STON2: variants seen among roughly 807,000 people sequenced by gnomAD.
The protein encoded by STON2 is stonin 2.
Under a neutral mutation model 65.7 loss-of-function variants are expected in STON2, and 29 were observed. The observed-to-expected ratio is 0.44, with a 90% CI of 0.33 to 0.60. STON2 has a LOEUF of 0.60. Ranked by LOEUF, STON2 falls within the 20% of genes least tolerant of loss-of-function variation. STON2 has a pLI of 0.03. For synonymous variants in STON2, 404 were observed against 414.2 expected (o/e 0.98, Z 0.30); for missense variants, 1,054 against 1,118.1 (o/e 0.94, Z 0.82).
intron 5 of STON2, among the ~76,000 whole-genome samples, chr14:81,284,108 C>A (rs1225626819): frequency 1.3e-5 from 2 of 152,198 alleles, no homozygotes; most frequent in Non-Finnish European, 2.9e-5. Flanking sequence ...GGCCATTCCC[C>A]TATCTCTCTC....
In STON2 at chr14:81,308,649, A is replaced by G. The variant is rs140059307; in HGVS notation, c.742+15368T>C. On this transcript the variant is annotated intron_variant, in intron 5 of 7. Transcript: ENST00000614646. ...ATGCTACAACTCTACGTCCATCCCT[A>G]ATAACCCATGGGCAGGGGAGGGAGC... 1.2e-3 allele frequency among the ~76,000 whole-genome samples: 182 copies of G among 151,690 alleles called. 3 individuals carry two copies. Among genetic ancestry groups the G allele is most frequent in the African/African-American group, 4.0e-3 (165 of 41,358 alleles).
In STON2 at chr14:81,270,857, T is replaced by C. The variant is rs780509197; in HGVS notation, c.2597A>G (p.His866Arg). Residue 866 changes from histidine (H) to arginine (R), a missense_variant, in exon 7 of 8, where the codon CAC becomes CGC. Transcript: ENST00000614646. The stretch of plus-strand genomic sequence containing the variant: ...GAGTTCAAGGTGGCAAAAGAAACAG[T>C]GTGGGTGACCGGAAGCTATGAAAGA... ...PDKNSASGHP[H>R]CFFCHLELGS... The C allele has an allele frequency of 6.2e-7, 1 of 1,612,846 alleles. No individual in the cohort carries two copies. The highest frequency in any genetic ancestry group is 1.1e-5 in the South Asian group (1 of 91,014).
Position 81,268,130 on chromosome 14 carries a change from A to C in STON2, c.*284T>G, listed in dbSNP as rs1894427653. 7 of 1,061,286 alleles carry C rather than the reference A, an allele frequency of 6.6e-6. No individual in the cohort carries two copies. In the South Asian group the frequency reaches 2.1e-4, roughly 32 times the overall value. The allele number at this position is 1,061,286 out of a possible 1,614,324, so 65.7% of individuals were successfully genotyped here. A position where few individuals can be genotyped will look rare whatever the true frequency, so the allele number is the denominator to read the frequency against. On this transcript the variant is annotated 3_prime_UTR_variant, in exon 8 of 8. Transcript: ENST00000614646. ...CCAGTGCTGTGAGATAAGCAGAGACAAGACAAGGAGGCTTAATTATACAGT... is the reference window on the plus strand; with the variant it reads ...CCAGTGCTGTGAGATAAGCAGAGACCAGACAAGGAGGCTTAATTATACAGT...
Position 81,264,567 on chromosome 14 carries a change from G to A in STON2, c.*3847C>T. 1.0e-6 allele frequency: 1 copy of A among 984,470 alleles called. No individual in the cohort carries two copies. The highest frequency in any genetic ancestry group is 1.2e-6 in the Non-Finnish European group (1 of 829,126). The allele number at this position is 984,470 out of a possible 1,614,324, so 61.0% of individuals were successfully genotyped here. The stretch of plus-strand genomic sequence containing the variant: ...ATTATATATAGTCCTTGCCTTCATG[G>A]ATCCCATTTATCAGAAACATAAGTT... On this transcript the variant is annotated 3_prime_UTR_variant, in exon 8 of 8. Coordinates refer to ENST00000614646, the MANE Select transcript of STON2 (RefSeq NM_001394390.1).
intron 4 of STON2, among the ~76,000 whole-genome samples, chr14:81,360,109 T>C (rs181854888): frequency 1.3e-5 from 2 of 152,012 alleles, no homozygotes; most frequent in African/African-American, 2.4e-5. Context: ...TGTTTTTAAA[T>C]AAAGAAGAAT....
At chr14:81,338,502 A>T (rs868506653) in intron 4 of STON2, among the ~76,000 whole-genome samples, 4 of 152,164 alleles carry the variant, frequency 2.6e-5, no homozygotes, top group Non-Finnish European at 5.9e-5. Flanking sequence ...ACCAGTAAAT[A>T]TAAGTACAGT....
chr14:81,330,636 ACCTCAAATTTCCC>A (rs2140266468), intron 4 of STON2, among the ~76,000 whole-genome samples: 1 of 152,296 alleles, frequency 6.6e-6, no homozygotes, highest in East Asian at 1.9e-4. Context: ...GCCAGTGTCC[ACCTCAAATTTCCC>A]CTCACCCACA....
chr14:81,324,739 T>G (rs1045364045), intron 4 of STON2, among the ~76,000 whole-genome samples: 6 of 152,234 alleles, frequency 3.9e-5, no homozygotes, highest in Non-Finnish European at 7.3e-5. Context: ...ATCAAGATTT[T>G]AGAAATGGAT....
intron 3 of STON2, among the ~76,000 whole-genome samples, chr14:81,386,734 G>C (rs561706143): frequency 6.6e-6 from 1 of 152,310 alleles, no homozygotes; most frequent in South Asian, 2.1e-4. Flanking sequence ...CTGGAGGAAG[G>C]TCAGCATATG....
chr14:81,275,627 G>T (rs1273366569), intron 6 of STON2, among the ~76,000 whole-genome samples: 7 of 152,108 alleles, frequency 4.6e-5, no homozygotes, highest in African/African-American at 7.2e-5. Flanking sequence ...GGAACACTTG[G>T]TTTTAAAAAT....
At position 81,265,727 on chromosome 14, in the gene STON2, G is replaced by A. The variant is rs1288195798; in HGVS notation, c.*2687C>T. 1.1e-6 allele frequency: 1 copy of A among 908,582 alleles called. No individual in the cohort carries two copies. Among genetic ancestry groups the A allele is most frequent in the African/African-American group, 1.8e-5 (1 of 54,976 alleles). The allele number at this position is 908,582 out of a possible 1,614,324, so 56.3% of individuals were successfully genotyped here. A position where few individuals can be genotyped will look rare whatever the true frequency, so the allele number is the denominator to read the frequency against. ...ATAATTTGTTTGCAGAATATAGATA[G>A]CATAGAAGGGATTTTTCCCAACTCT... On this transcript the variant is annotated 3_prime_UTR_variant, in exon 8 of 8. Coordinates refer to ENST00000614646, the MANE Select transcript of STON2 (RefSeq NM_001394390.1).
intron 3 of STON2, among the ~76,000 whole-genome samples, chr14:81,382,737 T>C (rs754090962): frequency 6.6e-6 from 1 of 152,168 alleles, no homozygotes; most frequent in Non-Finnish European, 1.5e-5. Flanking sequence ...TAAAACCACA[T>C]ATCAAAAAAA....
At chr14:81,289,356 T>C (rs1247956766) in intron 5 of STON2, among the ~76,000 whole-genome samples, 2 of 152,072 alleles carry the variant, frequency 1.3e-5, no homozygotes, top group Non-Finnish European at 2.9e-5. Context: ...TTGCAATAGT[T>C]AGAAGACAGA....
intron 5 of STON2, among the ~76,000 whole-genome samples, chr14:81,293,176 C>CT (rs537387012): frequency 0.53 from 73,963 of 138,880 alleles, 21,293 homozygotes; most frequent in Middle Eastern, 0.67. Context: ...TGACTTGTGT[C>CT]TTTTTTTTTT....
chr14:81,330,629 A>G (rs1307032518), intron 4 of STON2, among the ~76,000 whole-genome samples: 1 of 152,210 alleles, frequency 6.6e-6, no homozygotes. Flanking sequence ...CAAGAGAGCC[A>G]GTGTCCACCT....
At chr14:81,388,679 G>C (rs574072788) in intron 3 of STON2, among the ~76,000 whole-genome samples, 4 of 152,130 alleles carry the variant, frequency 2.6e-5, no homozygotes, top group Admixed American at 1.3e-4. Context: ...TGCTCGCTTG[G>C]CTTTATTCTT....
At chr14:81,436,160 G>A (rs909165216) in intron 1 of STON2, 1 of 152,034 alleles carries the variant, frequency 6.6e-6, no homozygotes. Context: ...GCCTCCGCGT[G>A]GCTCGACCAG....
At chr14:81,303,459 G>A (rs1896049987) in intron 5 of STON2, among the ~76,000 whole-genome samples, 1 of 152,206 alleles carries the variant, frequency 6.6e-6, no homozygotes, top group African/African-American at 2.4e-5. Context: ...GGCCCTGACA[G>A]GCAGAAGTGC....
At position 81,277,668 on chromosome 14, in the gene STON2, C is replaced by A; in HGVS notation, c.1814G>T (p.Arg605Leu). The change falls in exon 6 of 8, where the codon CGT becomes CTT. Residue 605 changes from arginine (R) to leucine (L), a missense_variant. By Grantham distance (102) the Arg-to-Leu change is moderately radical (BLOSUM62 -2). Transcript: ENST00000614646. ...FLSFIHAVQD[R>L]LMDLPVLSMD... ...TGACAACACTGGCAGATCCATGAGA[C>A]GGTCCTGAACTGCATGGATGAAACT... The A allele has an allele frequency of 2.5e-6, 4 of 1,614,148 alleles. No homozygotes were observed. Among genetic ancestry groups the A allele is most frequent in the Non-Finnish European group, 3.4e-6 (4 of 1,180,034 alleles).
Sources: gnomAD v4.1 joint callset for allele counts (sites outside exome capture counted in the v4.1 genomes callset) on GRCh38, gnomAD v4.1.1 for gene constraint, MANE v1.5 for transcripts, NCBI Gene and HGNC (gene_info 2026-07-23, HGNC 2026-07-21) for gene names.